TRPM6: variants seen among roughly 807,000 people sequenced by gnomAD.
TRPM6 encodes the protein channel kinase 2.
A neutral mutation model predicts 247.6 loss-of-function variants in TRPM6; 111 were observed. The observed-to-expected ratio is 0.45, with a 90% CI of 0.38 to 0.52. The LOEUF is 0.52. Among genes scored for constraint, TRPM6 ranks in the 20% least tolerant of loss-of-function variants. TRPM6 has a pLI of 0.00. For synonymous variants in TRPM6, 892 were observed against 853.8 expected, an observed-to-expected ratio of 1.04 and a Z score of -0.78; for missense variants, 2,126 against 2,421.5, an observed-to-expected ratio of 0.88 and a Z score of 2.56.
chr9:74,785,857 A>G lies in TRPM6; in HGVS notation c.2919+17T>C, dbSNP rs1467643452. 6.2e-7 allele frequency: 1 copy of G among 1,614,050 alleles called. No individual in the cohort carries two copies. Among genetic ancestry groups the G allele is most frequent in the South Asian group, 1.1e-5 (1 of 91,086 alleles). On this transcript the variant is annotated intron_variant, in intron 21 of 38. Coordinates refer to ENST00000360774, the MANE Select transcript of TRPM6 (RefSeq NM_017662.5). ...TTTAAAAAAGAATACCAGGATATAA[A>G]ACTAGACTGTACTCACCATTTTTGC...
At chr9:74,770,133 T>C (rs1441963214) in intron 25 of TRPM6, among the ~76,000 whole-genome samples, 1 of 152,158 alleles carries the variant, frequency 6.6e-6, no homozygotes, top group Non-Finnish European at 1.5e-5. Context: ...AAACACAGAT[T>C]TATATAAATA....
intron 16 of TRPM6, among the ~76,000 whole-genome samples, chr9:74,801,295 G>A (rs1387394813): frequency 1.7e-5 from 2 of 121,058 alleles, no homozygotes; most frequent in Non-Finnish European, 3.2e-5. Context: ...GTCTCACTCT[G>A]TCGCCAGGCT....
intron 27 of TRPM6, among the ~76,000 whole-genome samples, chr9:74,759,987 C>T (rs1008187302): frequency 2.0e-5 from 3 of 152,130 alleles, no homozygotes; most frequent in East Asian, 1.9e-4. Flanking sequence ...CGTCATGCCC[C>T]GCATAACAAT....
chr9:74,878,892 G>A lies in TRPM6; in HGVS notation c.33+8932C>T, dbSNP rs80063232. On this transcript the variant is annotated intron_variant, in intron 1 of 38. Transcript: ENST00000360774. Reference sequence around the variant, plus strand: ...TTAGTTACTTGAGAAGCTGATGCAGGAGGACCACTCAACCTCAGGAGTTCA... The same window carrying A: ...TTAGTTACTTGAGAAGCTGATGCAGAAGGACCACTCAACCTCAGGAGTTCA... 3.7e-3 allele frequency among the ~76,000 whole-genome samples: 567 copies of A among 152,262 alleles called. 2 individuals carry two copies. The highest frequency in any genetic ancestry group is 0.013 in the African/African-American group (542 of 41,550).
At chr9:74,750,758 A>G (rs1563996719) in intron 29 of TRPM6, 36 bp from the exon 30 acceptor site, 1 of 1,600,096 alleles carries the variant, frequency 6.2e-7, no homozygotes, top group Non-Finnish European at 8.6e-7. Context: ...GTGTGTGCTC[A>G]ACATAGTCCC....
At chr9:74,749,828 C>T (rs142119468) in intron 30 of TRPM6, among the ~76,000 whole-genome samples, 26 of 152,272 alleles carry the variant, frequency 1.7e-4, no homozygotes, top group African/African-American at 6.3e-4. Flanking sequence ...TGGAGGCAGG[C>T]TTGCACAGGG....
intron 1 of TRPM6, chr9:74,887,268 G>C (rs930141802): frequency 2.2e-6 from 3 of 1,335,844 alleles, no homozygotes; most frequent in South Asian, 2.3e-5. Flanking sequence ...ACTCCTGCAC[G>C]GGGAACACTG....
chr9:74,792,847 A>G (rs1443636806), intron 18 of TRPM6, 77 bp from the exon 19 acceptor site: 5 of 1,346,748 alleles, frequency 3.7e-6, no homozygotes, highest in South Asian at 3.6e-5. Flanking sequence ...TCCAAAAAAT[A>G]TCATAAATAA....
chr9:74,749,222 G>T (rs558720751), intron 30 of TRPM6, among the ~76,000 whole-genome samples: 2 of 152,178 alleles, frequency 1.3e-5, no homozygotes, highest in South Asian at 4.2e-4. Flanking sequence ...GTATCCTGTC[G>T]TTAATTGATG....
At chr9:74,880,379 A>C (rs754657709) in intron 1 of TRPM6, among the ~76,000 whole-genome samples, 7 of 152,190 alleles carry the variant, frequency 4.6e-5, no homozygotes, top group Non-Finnish European at 1.0e-4. Context: ...ATTCAAAAAG[A>C]TCTTTTCCAG....
rs756353452 is a variant in TRPM6 at position 74,755,477 on chromosome 9, G to C, written c.4786-4C>G. 1 of 1,614,006 alleles carries C rather than the reference G, an allele frequency of 6.2e-7. No individual in the cohort carries two copies. Among genetic ancestry groups the C allele is most frequent in the South Asian group, 1.1e-5 (1 of 91,086 alleles). On this transcript the variant is annotated splice_region_variant and splice_polypyrimidine_tract_variant and intron_variant, in intron 27 of 38. Transcript: ENST00000360774. ...AGCAGGCATTGACTGTTATGATCTG[G>C]AGAGAAAGACACTTGTTGGAACACA...
chr9:74,859,638 G>T (rs1167426948), intron 1 of TRPM6, among the ~76,000 whole-genome samples: 1 of 152,042 alleles, frequency 6.6e-6, no homozygotes, highest in African/African-American at 2.4e-5. Flanking sequence ...GCTGGGCATG[G>T]TGGCAGGCAA....
In TRPM6 at chr9:74,812,284, A is replaced by G. The variant is rs1217574114; in HGVS notation, c.1443+15T>C. 3 of 1,613,220 alleles carry G rather than the reference A, an allele frequency of 1.9e-6. No homozygotes were observed. The African/African-American group carries it at 4.0e-5, about 22-fold the overall frequency. ...AATCTGGAGGGAAATGATTGATGAA[A>G]TGTTCCATACTCACTGTATTGTAGA... is the stretch of plus-strand genomic sequence containing the variant. On this transcript the variant is annotated intron_variant, in intron 12 of 38. Transcript: ENST00000360774.
chr9:74,854,498 T>A (rs1830462233), intron 3 of TRPM6, among the ~76,000 whole-genome samples: 1 of 152,120 alleles, frequency 6.6e-6, no homozygotes, highest in African/African-American at 2.4e-5. Context: ...AAGAGCAAAA[T>A]TTTAAATAAT....
At chr9:74,753,038 C>T (rs543957965) in intron 28 of TRPM6, among the ~76,000 whole-genome samples, 5 of 146,122 alleles carry the variant, frequency 3.4e-5, no homozygotes, top group African/African-American at 1.0e-4. Flanking sequence ...GCTTGAACCC[C>T]GAAGGCGGAG....
chr9:74,788,807 G>T, intron 19 of TRPM6, 65 bp from the exon 20 acceptor site: 2 of 1,583,030 alleles, frequency 1.3e-6, no homozygotes, highest in Non-Finnish European at 8.6e-7. Flanking sequence ...CCAAGGAGAC[G>T]CAGATGGAGC....
intron 5 of TRPM6, among the ~76,000 whole-genome samples, chr9:74,838,449 T>C (rs1382107477): frequency 6.6e-6 from 1 of 152,240 alleles, no homozygotes; most frequent in Non-Finnish European, 1.5e-5. Context: ...TTTTACTTTG[T>C]TTTTTCAGTC....
chr9:74,792,472 T>C (rs555036219), intron 19 of TRPM6, 152 bp downstream of exon 19: 49 of 803,414 alleles, frequency 6.1e-5, no homozygotes, highest in Non-Finnish European at 4.2e-6. Context: ...CTTCCTCCAG[T>C]CCTCTTTGCT....
intron 12 of TRPM6, 138 bp downstream of exon 12, chr9:74,812,161 T>C: frequency 9.0e-7 from 1 of 1,110,868 alleles, no homozygotes; most frequent in Non-Finnish European, 1.3e-6. Flanking sequence ...TGGAACTAGA[T>C]CCAGCTTCAG....
Sources: gnomAD v4.1 joint callset for allele counts (sites outside exome capture counted in the v4.1 genomes callset) on GRCh38, gnomAD v4.1.1 for gene constraint, MANE v1.5 for transcripts, NCBI Gene and HGNC (gene_info 2026-07-23, HGNC 2026-07-21) for gene names.